The following CEACAM3 variants were observed in gnomAD, a reference collection of about 807,000 sequenced individuals.
The protein encoded by CEACAM3 is CEA cell adhesion molecule 3.
CEACAM3 carries 32 observed loss-of-function variants against 30.1 expected under a neutral mutation model. That is an observed-to-expected ratio of 1.06 (90% CI 0.80 to 1.43). CEACAM3 has a LOEUF of 1.43. Among genes scored for constraint, CEACAM3 ranks in the 40% most tolerant of loss-of-function variants. The pLI is 0.00. For synonymous variants in CEACAM3, 134 were observed against 127.2 expected, an observed-to-expected ratio of 1.05 and a Z score of -0.36; for missense variants, 290 against 316.3, an observed-to-expected ratio of 0.92 and a Z score of 0.63.
At chr19:41,807,446 C>A (rs1289449679) in intron 2 of CEACAM3, 2 of 1,259,760 alleles carry the variant, frequency 1.6e-6, no homozygotes, top group African/African-American at 3.1e-5. Flanking sequence ...CAGCCAGAGG[C>A]CAGGCCTCTC....
intron 2 of CEACAM3, among the ~76,000 whole-genome samples, chr19:41,803,455 TGTG>T (rs2073170284): frequency 1.1e-4 from 7 of 65,262 alleles, no homozygotes; most frequent in African/African-American, 2.3e-4. Context: ...TGTGTGTGTG[TGTG>T]TTGTTTTGTT....
intron 2 of CEACAM3, among the ~76,000 whole-genome samples, chr19:41,799,131 G>A (rs200659678): frequency 6.6e-6 from 1 of 152,294 alleles, no homozygotes; most frequent in African/African-American, 2.4e-5. Flanking sequence ...ATATAGTTTG[G>A]ATGTTTATCC....
chr19:41,808,971 T>C (rs1555827237), intron 3 of CEACAM3, 41 bp downstream of exon 3: 1 of 1,415,388 alleles, frequency 7.1e-7, no homozygotes, highest in Non-Finnish European at 9.6e-7. Flanking sequence ...CCCCCTAGGC[T>C]GACTCCAGGC....
intron 2 of CEACAM3, among the ~76,000 whole-genome samples, chr19:41,801,999 A>G (rs2073152803): frequency 6.6e-6 from 1 of 152,178 alleles, no homozygotes; most frequent in South Asian, 2.1e-4. Flanking sequence ...CTATACACTG[A>G]ATTTTTCCCA....
In CEACAM3 at chr19:41,798,655, G is replaced by GC. The variant is rs2073123270; in HGVS notation, c.424+707_424+708insC. ...GGGAAGTTCAGTATCCCCAGGGGGA[G>GC]GAAAAAGAAGAGAGAAGATGCTCCC... On this transcript the variant is annotated intron_variant, in intron 2 of 6. Coordinates refer to ENST00000357396, the MANE Select transcript of CEACAM3 (RefSeq NM_001815.5). 7.2e-5 allele frequency among the ~76,000 whole-genome samples: 11 copies of GC among 152,196 alleles called. 1 individual carries two copies. The highest frequency in any genetic ancestry group is 7.2e-4 in the Admixed American group (11 of 15,278).
chr19:41,797,353 T>C (rs56064499), intron 1 of CEACAM3: 6,082 of 538,432 alleles, frequency 0.011, 220 homozygotes, highest in African/African-American at 0.09. Flanking sequence ...GTGAGCAGGA[T>C]CTGAGGGCAG....
intron 2 of CEACAM3, among the ~76,000 whole-genome samples, chr19:41,805,464 T>C (rs1412092648): frequency 2.0e-5 from 3 of 151,974 alleles, no homozygotes; most frequent in Non-Finnish European, 4.4e-5. Context: ...AATTTTTGTA[T>C]TTTTAGTAGA....
At position 41,810,917 on chromosome 19, in the gene CEACAM3, G is replaced by A. The variant is rs782197265; in HGVS notation, c.693+20G>A. On this transcript the variant is annotated intron_variant, in intron 6 of 6. Transcript: ENST00000357396. ...TATGAGGTGAGTGTGGGCCACGGATGTTCTGGTCCCACAGGCCCCAGGGGA... is the reference window on the plus strand; with the variant it reads ...TATGAGGTGAGTGTGGGCCACGGATATTCTGGTCCCACAGGCCCCAGGGGA... 3 of 1,609,120 alleles carry A rather than the reference G, an allele frequency of 1.9e-6. No individual in the cohort carries two copies. Among genetic ancestry groups the A allele is most frequent in the Non-Finnish European group, 1.7e-6 (2 of 1,176,728 alleles).
At chr19:41,805,132 A>G (rs2073187802) in intron 2 of CEACAM3, among the ~76,000 whole-genome samples, 1 of 152,106 alleles carries the variant, frequency 6.6e-6, no homozygotes, top group African/African-American at 2.4e-5. Flanking sequence ...TCTTATGCAT[A>G]AGAGATACTC....
intron 2 of CEACAM3, among the ~76,000 whole-genome samples, chr19:41,801,211 G>A (rs1363589922): frequency 6.6e-6 from 1 of 152,078 alleles, no homozygotes; most frequent in African/African-American, 2.4e-5. Context: ...TGGCTGTTCT[G>A]TTCCCTTCCC....
At chr19:41,798,980 G>A (rs994689434) in intron 2 of CEACAM3, among the ~76,000 whole-genome samples, 6 of 152,188 alleles carry the variant, frequency 3.9e-5, no homozygotes, top group African/African-American at 9.7e-5. Flanking sequence ...ACCAGGGGAC[G>A]GCTGGCGTTA....
chr19:41,811,335 C>A lies in CEACAM3; in HGVS notation c.*98C>A. 2.9e-6 allele frequency: 3 copies of A among 1,041,790 alleles called. No homozygotes were observed. In the South Asian group the frequency reaches 3.8e-5, roughly 13 times the overall value. 64.5% of individuals were successfully genotyped at this position (1,041,790 alleles called of 1,614,324 possible). A position where few individuals can be genotyped will look rare whatever the true frequency, so the allele number is the denominator to read the frequency against. On this transcript the variant is annotated 3_prime_UTR_variant, in exon 7 of 7. Transcript: ENST00000357396. Reference sequence around the variant, plus strand: ...CATGAAGCCTGAGCCAGAGAACCAGCTATAAGTCCTGAGAAGACACTGGTG... The same window carrying A: ...CATGAAGCCTGAGCCAGAGAACCAGATATAAGTCCTGAGAAGACACTGGTG...
At chr19:41,809,136 C>T (rs2073228293) in intron 3 of CEACAM3, 2 of 437,304 alleles carry the variant, frequency 4.6e-6, no homozygotes, top group Non-Finnish European at 8.2e-6. Context: ...TGAATTTGGC[C>T]CAATTAAGGC....
At position 41,810,828 on chromosome 19, in the gene CEACAM3, A is replaced by G. The variant is rs572447280; in HGVS notation, c.628-4A>G. ...CCTCCATGACCCTCCCTCCCTGTCC[A>G]CAGATGTCCCCTCTCTCCACTGCCC... is the stretch of plus-strand genomic sequence containing the variant. On this transcript the variant is annotated splice_polypyrimidine_tract_variant and splice_region_variant and intron_variant, in intron 5 of 6. Coordinates refer to ENST00000357396, the MANE Select transcript of CEACAM3 (RefSeq NM_001815.5). 1 of 1,611,698 alleles carries G rather than the reference A, an allele frequency of 6.2e-7. No individual in the cohort carries two copies. The highest frequency in any genetic ancestry group is 8.5e-7 in the Non-Finnish European group (1 of 1,178,478).
At chr19:41,808,420 C>T (rs568702793) in intron 2 of CEACAM3, among the ~76,000 whole-genome samples, 8 of 152,294 alleles carry the variant, frequency 5.3e-5, no homozygotes, top group Non-Finnish European at 8.8e-5. Context: ...ATGGAAGGCC[C>T]CTGAAAACAG....
At chr19:41,807,664 G>C (rs961032401) in intron 2 of CEACAM3, 1 of 1,165,736 alleles carries the variant, frequency 8.6e-7, no homozygotes, top group South Asian at 1.7e-5. Context: ...GGTTTCGTTA[G>C]GACTTCAAGG....
intron 2 of CEACAM3, among the ~76,000 whole-genome samples, chr19:41,808,368 G>A (rs1185668490): frequency 6.6e-6 from 1 of 152,220 alleles, no homozygotes; most frequent in African/African-American, 2.4e-5. Context: ...ATGTAAGGAT[G>A]AGATGAGTTG....
intron 6 of CEACAM3, 35 bp downstream of exon 6, chr19:41,810,932 G>A (rs782104095): frequency 3.8e-6 from 6 of 1,581,808 alleles, no homozygotes; most frequent in Non-Finnish European, 5.2e-6. Context: ...GGTCCCACAG[G>A]CCCCAGGGGA....
intron 1 of CEACAM3, 104 bp from the exon 2 acceptor site, chr19:41,797,485 C>G: frequency 6.9e-7 from 1 of 1,439,534 alleles, no homozygotes; most frequent in Non-Finnish European, 9.4e-7. Context: ...CACACATACA[C>G]TCTCCAAGGC....
Sources: allele counts gnomAD v4.1 joint callset (sites outside exome capture counted in the v4.1 genomes callset), GRCh38; gene constraint gnomAD v4.1.1; transcripts MANE v1.5; gene names NCBI Gene and HGNC (gene_info 2026-07-23, HGNC 2026-07-21).